The following LINGO2 variants were observed in gnomAD, a reference collection of about 807,000 sequenced individuals.
The protein encoded by LINGO2 is leucine-rich repeat and immunoglobulin-like domain-containing nogo receptor-interacting protein 2.
Under a neutral mutation model 30.6 loss-of-function variants are expected in LINGO2, and 14 were observed. That is an observed-to-expected ratio of 0.46 (90% CI 0.30 to 0.72). The LOEUF (loss-of-function observed/expected upper bound fraction) is 0.72. Among genes scored for constraint, LINGO2 ranks in the 30% least tolerant of loss-of-function variants. The probability of loss-of-function intolerance (pLI) is 0.07; values close to 1 mark genes in which losing one functional copy is unlikely to be tolerated. For missense variants in LINGO2, 729 were observed against 751.7 expected, an observed-to-expected ratio of 0.97 and a Z score of 0.35; for synonymous variants, 317 against 288.5, an observed-to-expected ratio of 1.10 and a Z score of -1.00.
chr9:28,080,564 C>T (rs1825745360), intron 4 of LINGO2: 2 of 152,148 alleles, frequency 1.3e-5, no homozygotes, highest in African/African-American at 4.8e-5. Context: ...ACCAGCACAT[C>T]CTATTTGAAT....
the LINGO2 span, among the ~76,000 whole-genome samples, chr9:29,048,241 C>A: frequency 1.3e-5 from 2 of 151,068 alleles, no homozygotes; most frequent in Non-Finnish European, 2.9e-5. Context: ...AAATTAAATA[C>A]CTAGTAATTA....
intron 1 of LINGO2, among the ~76,000 whole-genome samples, chr9:28,511,271 G>A (rs536676965): frequency 3.3e-4 from 50 of 152,266 alleles, no homozygotes; most frequent in Middle Eastern, 6.8e-3. Flanking sequence ...AAAAACCTCT[G>A]CACTTTCCAT....
intron 1 of LINGO2, among the ~76,000 whole-genome samples, chr9:28,534,534 A>G (rs1193684764): frequency 6.6e-6 from 1 of 152,034 alleles, no homozygotes. Flanking sequence ...TTCATTTCCT[A>G]CTAAAACTCC....
At chr9:29,187,845 C>A in the LINGO2 span, among the ~76,000 whole-genome samples, 1 of 130,312 alleles carries the variant, frequency 7.7e-6, no homozygotes. Context: ...CTGGTTTTAA[C>A]TCTTAATATA....
chr9:28,165,919 G>GA (rs1482091263), intron 4 of LINGO2, among the ~76,000 whole-genome samples: 4 of 152,058 alleles, frequency 2.6e-5, no homozygotes, highest in African/African-American at 4.8e-5. Context: ...GGAGCTAAAA[G>GA]AAAAAATTCT....
chr9:27,963,172 C>T (rs1029841537), intron 5 of LINGO2, among the ~76,000 whole-genome samples: 3 of 152,072 alleles, frequency 2.0e-5, no homozygotes, highest in Admixed American at 6.6e-5. Flanking sequence ...TTTTTGATAA[C>T]ACAGAATAAC....
intron 5 of LINGO2, among the ~76,000 whole-genome samples, chr9:28,001,157 A>G (rs1297297313): frequency 2.0e-5 from 3 of 152,174 alleles, no homozygotes; most frequent in Admixed American, 2.0e-4. Flanking sequence ...TTAACTATAG[A>G]ATCCTTTCTT....
the LINGO2 span, among the ~76,000 whole-genome samples, chr9:28,777,451 A>G: frequency 6.6e-6 from 1 of 152,198 alleles, no homozygotes; most frequent in African/African-American, 2.4e-5. Context: ...AGCTGGAGCA[A>G]CAGCTCAAGT....
At chr9:29,010,069 T>C in the LINGO2 span, among the ~76,000 whole-genome samples, 1 of 151,840 alleles carries the variant, frequency 6.6e-6, no homozygotes. Context: ...CCTAAAACCA[T>C]AAAAAACCCA....
chr9:27,997,230 A>G (rs1239686720), intron 5 of LINGO2, among the ~76,000 whole-genome samples: 1 of 152,210 alleles, frequency 6.6e-6, no homozygotes, highest in Non-Finnish European at 1.5e-5. Flanking sequence ...CTAATTACCT[A>G]CATTTGTACC....
intron 5 of LINGO2, among the ~76,000 whole-genome samples, chr9:27,966,548 C>T (rs1295111276): frequency 2.6e-5 from 4 of 152,046 alleles, no homozygotes; most frequent in Non-Finnish European, 5.9e-5. Flanking sequence ...GGGAGGGGAA[C>T]ATCCCACACT....
At chr9:28,214,832 G>A (rs1372826709) in intron 4 of LINGO2, among the ~76,000 whole-genome samples, 2 of 151,590 alleles carry the variant, frequency 1.3e-5, no homozygotes, top group African/African-American at 4.8e-5. Context: ...ACTAATCACA[G>A]AATGGAAACA....
intron 1 of LINGO2, chr9:28,598,933 G>T (rs141869251): frequency 6.6e-6 from 1 of 152,172 alleles, no homozygotes; most frequent in African/African-American, 2.4e-5. Context: ...TTATAAGTAG[G>T]ATCCACCATT....
chr9:28,613,866 A>C (rs1202198732), intron 1 of LINGO2, among the ~76,000 whole-genome samples: 1 of 152,206 alleles, frequency 6.6e-6, no homozygotes, highest in Non-Finnish European at 1.5e-5. Flanking sequence ...GGACATGTTA[A>C]ATACTTATGG....
chr9:28,035,859 C>T (rs568978956), intron 4 of LINGO2, among the ~76,000 whole-genome samples: 89 of 150,340 alleles, frequency 5.9e-4, no homozygotes, highest in African/African-American at 2.2e-3. Context: ...GCTTTTTAAA[C>T]AAGGATGAAA....
At chr9:28,763,285 T>C in the LINGO2 span, among the ~76,000 whole-genome samples, 1 of 152,076 alleles carries the variant, frequency 6.6e-6, no homozygotes, top group Non-Finnish European at 1.5e-5. Flanking sequence ...AGATCACATG[T>C]TGTTAAAACA....
the LINGO2 span, among the ~76,000 whole-genome samples, chr9:29,111,003 T>A: frequency 8.6e-6 from 1 of 115,870 alleles, no homozygotes; most frequent in African/African-American, 4.0e-5. Flanking sequence ...AGTTAGTTTT[T>A]AAAAAATAAG....
At chr9:29,005,098 T>C in the LINGO2 span, among the ~76,000 whole-genome samples, 2 of 152,044 alleles carry the variant, frequency 1.3e-5, no homozygotes, top group Non-Finnish European at 2.9e-5. Flanking sequence ...AGAGTTATCA[T>C]GATGGTGAAT....
At chr9:29,060,552 C>A in the LINGO2 span, among the ~76,000 whole-genome samples, 1 of 152,138 alleles carries the variant, frequency 6.6e-6, no homozygotes, top group African/African-American at 2.4e-5. Flanking sequence ...AGAACCACTT[C>A]ATTGAAGATA....
Sources: allele counts gnomAD v4.1 joint callset (sites outside exome capture counted in the v4.1 genomes callset), GRCh38; gene constraint gnomAD v4.1.1; transcripts MANE v1.5; gene names NCBI Gene and HGNC (gene_info 2026-07-23, HGNC 2026-07-21).